The following MYO16 variants were observed in gnomAD, a reference collection of about 807,000 sequenced individuals.
The protein encoded by MYO16 is myosin XVI.
MYO16 carries 94 observed loss-of-function variants against 205.3 expected under a neutral mutation model. The observed-to-expected ratio is 0.46, with a 90% CI of 0.39 to 0.54. The LOEUF (loss-of-function observed/expected upper bound fraction) is 0.54. MYO16 is among the 20% of genes least tolerant of loss of function. The pLI is 0.00. For missense variants in MYO16, 2,315 were observed against 2,387.5 expected, an observed-to-expected ratio of 0.97 and a Z score of 0.63; for synonymous variants, 988 against 954.0, an observed-to-expected ratio of 1.04 and a Z score of -0.66.
chr13:109,088,509 G>A (rs1888512043), intron 27 of MYO16, among the ~76,000 whole-genome samples: 1 of 152,088 alleles, frequency 6.6e-6, no homozygotes, highest in Admixed American at 6.6e-5. Flanking sequence ...TCTGCTTCCT[G>A]GTATTGCCTA....
intron 31 of MYO16, among the ~76,000 whole-genome samples, chr13:109,136,671 T>A (rs1876791125): frequency 6.6e-6 from 1 of 152,202 alleles, no homozygotes. Context: ...AACTTTGTAC[T>A]GTGGCTGAAG....
intron 33 of MYO16, among the ~76,000 whole-genome samples, chr13:109,174,151 C>G (rs1879057261): frequency 6.6e-6 from 1 of 151,962 alleles, no homozygotes. Flanking sequence ...AAGAACGACT[C>G]CAAGAATTTG....
chr13:108,680,282 T>C (rs1882407715), intron 2 of MYO16, among the ~76,000 whole-genome samples: 1 of 152,214 alleles, frequency 6.6e-6, no homozygotes, highest in South Asian at 2.1e-4. Context: ...TACAGATGTT[T>C]CAATTACTGT....
intron 23 of MYO16, among the ~76,000 whole-genome samples, chr13:109,026,452 T>A (rs2139542566): frequency 6.6e-6 from 1 of 152,234 alleles, no homozygotes; most frequent in East Asian, 1.9e-4. Context: ...GATCCACCCG[T>A]TGAGCCTGGT....
intron 16 of MYO16, among the ~76,000 whole-genome samples, chr13:108,942,536 T>C (rs1882774981): frequency 6.6e-6 from 1 of 152,238 alleles, no homozygotes; most frequent in African/African-American, 2.4e-5. Flanking sequence ...TTAGTTTGCC[T>C]TCTCTGAATT....
chr13:108,613,082 T>C (rs1879233033), intron 1 of MYO16, among the ~76,000 whole-genome samples: 1 of 152,086 alleles, frequency 6.6e-6, no homozygotes, highest in African/African-American at 2.4e-5. Context: ...CTTGGAAAGA[T>C]GGGATTGATT....
chr13:108,520,088 A>G, the MYO16 span, among the ~76,000 whole-genome samples: 1 of 151,888 alleles, frequency 6.6e-6, no homozygotes, highest in African/African-American at 2.4e-5. Context: ...TTTAACATTC[A>G]TTTTCCGTAG....
At chr13:109,074,792 C>T (rs1356524163) in intron 27 of MYO16, among the ~76,000 whole-genome samples, 2 of 152,090 alleles carry the variant, frequency 1.3e-5, no homozygotes, top group African/African-American at 4.8e-5. Flanking sequence ...GAGAACTCAC[C>T]ATCAGGAGAA....
At chr13:108,878,493 A>G (rs925751923) in intron 12 of MYO16, among the ~76,000 whole-genome samples, 13 of 152,110 alleles carry the variant, frequency 8.5e-5, no homozygotes, top group South Asian at 2.1e-4. Flanking sequence ...CCACCACTCA[A>G]TAAAACCCCT....
chr13:108,537,764 T>A, the MYO16 span, among the ~76,000 whole-genome samples: 1 of 152,144 alleles, frequency 6.6e-6, no homozygotes, highest in African/African-American at 2.4e-5. Context: ...TGATTAGTGA[T>A]GCTGATAATT....
At chr13:108,817,826 T>A (rs1875716957) in intron 7 of MYO16, among the ~76,000 whole-genome samples, 1 of 152,200 alleles carries the variant, frequency 6.6e-6, no homozygotes, top group East Asian at 1.9e-4. Context: ...TGAGCTACTT[T>A]GTATTACAGA....
chr13:108,610,432 T>C (rs1879130298), intron 1 of MYO16, among the ~76,000 whole-genome samples: 1 of 152,152 alleles, frequency 6.6e-6, no homozygotes. Context: ...CTGGAGCGCT[T>C]TGTGGGCAAA....
intron 4 of MYO16, among the ~76,000 whole-genome samples, chr13:108,769,354 T>A (rs1737542278): frequency 6.6e-6 from 1 of 152,012 alleles, no homozygotes; most frequent in Admixed American, 6.6e-5. Flanking sequence ...GGAGAAGATC[T>A]GTGTGGCCAG....
intron 16 of MYO16, among the ~76,000 whole-genome samples, chr13:108,941,097 C>G (rs186786801): frequency 5.9e-5 from 9 of 152,186 alleles, no homozygotes; most frequent in African/African-American, 1.7e-4. Context: ...GAGTGAGACA[C>G]AGGCTGGAAA....
chr13:108,816,508 T>G (rs569793661), intron 7 of MYO16, among the ~76,000 whole-genome samples: 1 of 152,260 alleles, frequency 6.6e-6, no homozygotes, highest in Non-Finnish European at 1.5e-5. Flanking sequence ...CCACATATTT[T>G]GTAAGTTCTG....
chr13:109,171,885 C>T (rs946724709), intron 33 of MYO16, among the ~76,000 whole-genome samples: 21 of 152,200 alleles, frequency 1.4e-4, no homozygotes, highest in African/African-American at 1.9e-4. Flanking sequence ...ATTCTGTATA[C>T]GTTGTCTATT....
intron 12 of MYO16, among the ~76,000 whole-genome samples, chr13:108,879,921 C>T (rs9514936): frequency 6.6e-6 from 1 of 152,112 alleles, no homozygotes; most frequent in Non-Finnish European, 1.5e-5. Context: ...GTTCTAGATC[C>T]TTGTGGAATG....
chr13:109,095,072 C>G (rs1888736799), intron 27 of MYO16, among the ~76,000 whole-genome samples: 1 of 152,196 alleles, frequency 6.6e-6, no homozygotes, highest in South Asian at 2.1e-4. Context: ...AGTAAGTGAA[C>G]CACAAACCCT....
chr13:108,867,622 T>C (rs985277467), intron 12 of MYO16, among the ~76,000 whole-genome samples: 2 of 152,246 alleles, frequency 1.3e-5, no homozygotes, highest in East Asian at 3.8e-4. Flanking sequence ...CTCAGTTCTG[T>C]ATCTTTCACT....
Sources: gnomAD v4.1 joint callset for allele counts (sites outside exome capture counted in the v4.1 genomes callset) on GRCh38, gnomAD v4.1.1 for gene constraint, MANE v1.5 for transcripts, NCBI Gene and HGNC (gene_info 2026-07-23, HGNC 2026-07-21) for gene names.